VGLL2: variants seen among roughly 807,000 people sequenced by gnomAD.
VGLL2 encodes the protein transcription cofactor vestigial-like protein 2.
In VGLL2, 18 loss-of-function variants were observed where a neutral mutation model predicts 27.0. The ratio of observed to expected loss-of-function variants is 0.67; its 90% CI spans 0.46 to 0.99. The LOEUF (loss-of-function observed/expected upper bound fraction) is 0.99, where lower values mean the gene tolerates loss of function less well. VGLL2 is among the 50% of genes least tolerant of loss of function. The pLI, the probability that VGLL2 is intolerant of heterozygous loss-of-function variation, is 0.00. For synonymous variants in VGLL2, 220 were observed against 201.1 expected, an observed-to-expected ratio of 1.09 and a Z score of -0.80; for missense variants, 491 against 452.3, an observed-to-expected ratio of 1.09 and a Z score of -0.78.
intron 2 of VGLL2, 135 bp from the exon 3 acceptor site, chr6:117,270,408 C>A: frequency 8.6e-7 from 1 of 1,167,182 alleles, no homozygotes; most frequent in Non-Finnish European, 1.1e-6. Context: ...TCAGCCCCGG[C>A]CATGGCTAGC....
Position 117,272,606 on chromosome 6 carries a change from A to G in VGLL2, c.*112A>G. Reference sequence around the variant, plus strand: ...ACATGGGGGAAGGCAGAGACTTCAGACTTCTCAGTGTGTTGGGAAAACCAA... The same window carrying G: ...ACATGGGGGAAGGCAGAGACTTCAGGCTTCTCAGTGTGTTGGGAAAACCAA... On this transcript the variant is annotated 3_prime_UTR_variant, in exon 4 of 4. Coordinates refer to ENST00000326274, the MANE Select transcript of VGLL2 (RefSeq NM_182645.3). 1.3e-6 allele frequency: 2 copies of G among 1,505,100 alleles called. No individual in the cohort carries two copies. Among genetic ancestry groups the G allele is most frequent in the East Asian group, 4.6e-5 (2 of 43,518 alleles). The allele number at this position is 1,505,100 out of a possible 1,614,324, so 93.2% of individuals were successfully genotyped here.
chr6:117,265,776 G>A lies in VGLL2; in HGVS notation c.13G>A (p.Asp5Asn). Residue 5 changes from aspartate to asparagine, a missense_variant, in exon 1 of 4, where the codon GAT becomes AAT. Coordinates refer to ENST00000326274, the MANE Select transcript of VGLL2 (RefSeq NM_182645.3). ...GCTGCGGAGAGTCATGAGCTGTCTGGATGTTATGTACCAAGTCTATGGTCC... is the reference window on the plus strand; with the variant it reads ...GCTGCGGAGAGTCATGAGCTGTCTGAATGTTATGTACCAAGTCTATGGTCC... MSCL[D>N]VMYQVYGPPQ... is the part of the protein sequence containing the mutation. The A allele has an allele frequency of 1.2e-6, 2 of 1,614,116 alleles. No individual in the cohort carries two copies. Among genetic ancestry groups the A allele is most frequent in the Non-Finnish European group, 1.7e-6 (2 of 1,179,958 alleles).
At position 117,270,894 on chromosome 6, in the gene VGLL2, C is replaced by G; in HGVS notation, c.743C>G (p.Ser248Trp). The change falls in exon 3 of 4, where the codon TCG (serine) becomes TGG (tryptophan). Residue 248 changes from serine to tryptophan, a missense_variant. Transcript: ENST00000326274. ...RYGPLLMPAA[S>W]GRPARLATAP... ...GGGCCGCTGCTGATGCCAGCCGCCTCGGGGCGCCCGGCCCGCCTCGCAACC... is the reference window on the plus strand; with the variant it reads ...GGGCCGCTGCTGATGCCAGCCGCCTGGGGGCGCCCGGCCCGCCTCGCAACC... 7.8e-7 allele frequency: 1 copy of G among 1,278,040 alleles called. No individual in the cohort carries two copies. The highest frequency in any genetic ancestry group is 9.8e-7 in the Non-Finnish European group (1 of 1,015,862). 79.2% of individuals were successfully genotyped at this position (1,278,040 alleles called of 1,614,324 possible). A position where few individuals can be genotyped will look rare whatever the true frequency, so the allele number is the denominator to read the frequency against.
intron 3 of VGLL2, among the ~76,000 whole-genome samples, chr6:117,271,535 T>C (rs146975126): frequency 1.3e-5 from 2 of 152,204 alleles, no homozygotes; most frequent in East Asian, 1.9e-4. Flanking sequence ...TACTTTTACA[T>C]TGATTACATG....
At chr6:117,272,295 C>G (rs1582501252) in intron 3 of VGLL2, 159 bp from the exon 4 acceptor site, 2 of 985,014 alleles carry the variant, frequency 2.0e-6, no homozygotes, top group East Asian at 2.3e-4. Context: ...CTTTTATCTT[C>G]TCTCTATTTT....
chr6:117,265,946 C>T (rs923791485), intron 1 of VGLL2, 102 bp downstream of exon 1: 2 of 1,097,118 alleles, frequency 1.8e-6, no homozygotes, highest in Non-Finnish European at 1.4e-6. Context: ...GCGTCTCGGG[C>T]GTCCGACCAC....
At chr6:117,272,309 G>C in intron 3 of VGLL2, 145 bp from the exon 4 acceptor site, 2 of 1,482,394 alleles carry the variant, frequency 1.3e-6, no homozygotes, top group Non-Finnish European at 1.8e-6. Flanking sequence ...CTATTTTCAG[G>C]TTTGCAGCCT....
In VGLL2 at chr6:117,272,816, G is replaced by A; in HGVS notation, c.*322G>A. The A allele has an allele frequency of 2.4e-6, 1 of 416,202 alleles. No homozygotes were observed. Among genetic ancestry groups the A allele is most frequent in the Non-Finnish European group, 4.3e-6 (1 of 233,402 alleles). The allele number at this position is 416,202 out of a possible 1,614,324, so 25.8% of individuals were successfully genotyped here. On this transcript the variant is annotated 3_prime_UTR_variant, in exon 4 of 4. Transcript: ENST00000326274. ...GGGGGAAAGAAAATGAAACTTTTTG[G>A]TGTGAATATTTTTTATGCTGATGTG...
chr6:117,270,500 C>A (rs774100959), intron 2 of VGLL2, 43 bp from the exon 3 acceptor site: 2 of 1,535,694 alleles, frequency 1.3e-6, no homozygotes, highest in South Asian at 2.4e-5. Flanking sequence ...TGACACGCAC[C>A]TCTTTTCCTT....
rs1297859399 is a variant in VGLL2 at position 117,271,038 on chromosome 6, AGGGTCTG to A, written c.890_896del (p.Gly297AlafsTer18). On this transcript the variant is annotated frameshift_variant, in exon 3 of 4. Coordinates refer to ENST00000326274, the MANE Select transcript of VGLL2 (RefSeq NM_182645.3). ...GCGAGCCCCTCGGGGGACGTGGCCC[AGGGTCTG>A]GGCCTCAGCGTGGACTCAGGTAAGC... 1.1e-5 allele frequency: 13 copies of A among 1,231,134 alleles called. No individual in the cohort carries two copies. Among genetic ancestry groups the A allele is most frequent in the Non-Finnish European group, 1.3e-5 (13 of 989,418 alleles). The allele number at this position is 1,231,134 out of a possible 1,614,324, so 76.3% of individuals were successfully genotyped here.
At chr6:117,269,374 G>T (rs185704235) in intron 2 of VGLL2, among the ~76,000 whole-genome samples, 1 of 152,264 alleles carries the variant, frequency 6.6e-6, no homozygotes, top group Non-Finnish European at 1.5e-5. Context: ...GGGGGACTTT[G>T]TTGTAAAAAC....
chr6:117,270,791 C>T lies in VGLL2; in HGVS notation c.640C>T (p.Leu214Phe). The part of the protein sequence containing the change: ...PHHPYALGGA[L>F]GAQAAPYPRP... ...TCACCCCTACGCCCTGGGCGGCGCCCTCGGCGCCCAGGCCGCCCCCTACCC... is the reference window on the plus strand; with the variant it reads ...TCACCCCTACGCCCTGGGCGGCGCCTTCGGCGCCCAGGCCGCCCCCTACCC... The change falls in exon 3 of 4, where the codon CTC becomes TTC. Residue 214 changes from leucine to phenylalanine, a missense_variant. Physicochemically the swap from Leu to Phe is conservative, Grantham distance 22. Transcript: ENST00000326274. The T allele has an allele frequency of 6.9e-7, 1 of 1,445,592 alleles. No individual in the cohort carries two copies. The highest frequency in any genetic ancestry group is 2.4e-4 in the Middle Eastern group (1 of 4,100). The allele number at this position is 1,445,592 out of a possible 1,614,324, so 89.5% of individuals were successfully genotyped here. A position where few individuals can be genotyped will look rare whatever the true frequency, so the allele number is the denominator to read the frequency against.
At chr6:117,269,441 T>C (rs1395575309) in intron 2 of VGLL2, among the ~76,000 whole-genome samples, 4 of 152,164 alleles carry the variant, frequency 2.6e-5, no homozygotes, top group African/African-American at 9.7e-5. Context: ...CCCCCTTTTT[T>C]CCCCCTTAAG....
Position 117,270,886 on chromosome 6 carries a change from A to G in VGLL2, c.735A>G (p.Pro245=). 7.6e-7 allele frequency: 1 copy of G among 1,314,558 alleles called. No homozygotes were observed. Among genetic ancestry groups the G allele is most frequent in the South Asian group, 2.1e-5 (1 of 47,798 alleles). The allele number at this position is 1,314,558 out of a possible 1,614,324, so 81.4% of individuals were successfully genotyped here. ...CGCGCTATGGGCCGCTGCTGATGCC[A>G]GCCGCCTCGGGGCGCCCGGCCCGCC... The part of the protein sequence containing the change: ...FDPRYGPLLM[P]AASGRPARLA... Residue 245 remains proline, a synonymous_variant, in exon 3 of 4, where the codon CCA becomes CCG. Coordinates refer to ENST00000326274, the MANE Select transcript of VGLL2 (RefSeq NM_182645.3).
chr6:117,271,208 A>G, intron 3 of VGLL2, 144 bp downstream of exon 3: 1 of 735,098 alleles, frequency 1.4e-6, no homozygotes, highest in Non-Finnish European at 1.8e-6. Flanking sequence ...GTTTCCACTG[A>G]TACATGGCCC....
chr6:117,272,527 C>T lies in VGLL2; in HGVS notation c.*33C>T, dbSNP rs766926735. The T allele has an allele frequency of 3.1e-6, 5 of 1,613,960 alleles. No homozygotes were observed. In the East Asian group the frequency reaches 1.1e-4, roughly 36 times the overall value. On this transcript the variant is annotated 3_prime_UTR_variant, in exon 4 of 4. Transcript: ENST00000326274. ...ACCCAGGGTTTCCCCTTCCCCTTCCCTTCTGACCAGCCTTGGAGGCTCAGC... is the reference window on the plus strand; with the variant it reads ...ACCCAGGGTTTCCCCTTCCCCTTCCTTTCTGACCAGCCTTGGAGGCTCAGC...
chr6:117,270,805 C>G lies in VGLL2; in HGVS notation c.654C>G (p.Ala218=). ...YALGGALGAQ[A]APYPRPAAVH... is the part of the protein sequence containing the mutation. Reference sequence around the variant, plus strand: ...TGGGCGGCGCCCTCGGCGCCCAGGCCGCCCCCTACCCGCGCCCCGCCGCCG... The same window carrying G: ...TGGGCGGCGCCCTCGGCGCCCAGGCGGCCCCCTACCCGCGCCCCGCCGCCG... The change falls in exon 3 of 4, where the codon GCC becomes GCG. Residue 218 remains alanine, a synonymous_variant. Transcript: ENST00000326274. The G allele has an allele frequency of 4.2e-6, 6 of 1,436,810 alleles. No homozygotes were observed. Among genetic ancestry groups the G allele is most frequent in the Non-Finnish European group, 4.5e-6 (5 of 1,098,902 alleles). The allele number at this position is 1,436,810 out of a possible 1,614,324, so 89.0% of individuals were successfully genotyped here. A position where few individuals can be genotyped will look rare whatever the true frequency, so the allele number is the denominator to read the frequency against.
chr6:117,272,541 T>G lies in VGLL2; in HGVS notation c.*47T>G. ...CTTCCCCTTCCCTTCTGACCAGCCT[T>G]GGAGGCTCAGCATCTGTGCCTCTCA... On this transcript the variant is annotated 3_prime_UTR_variant, in exon 4 of 4. Transcript: ENST00000326274. The G allele has an allele frequency of 3.1e-6, 5 of 1,613,502 alleles. No homozygotes were observed. The highest frequency in any genetic ancestry group is 4.2e-6 in the Non-Finnish European group (5 of 1,179,758).
chr6:117,273,164 T>A lies in VGLL2; in HGVS notation c.*670T>A, dbSNP rs896675425. On this transcript the variant is annotated 3_prime_UTR_variant, in exon 4 of 4. Transcript: ENST00000326274. ...AACTGTTGAAAACTCCAGAAATACA[T>A]CACCCAAGGTGGCAGTTCTCAGTAT... is the stretch of plus-strand genomic sequence containing the variant. The A allele has an allele frequency of 2.0e-5, 3 of 152,712 alleles. No homozygotes were observed. Among genetic ancestry groups the A allele is most frequent in the African/African-American group, 7.2e-5 (3 of 41,424 alleles). 9.5% of individuals were successfully genotyped at this position (152,712 alleles called of 1,614,324 possible).
Sources: gnomAD v4.1 joint callset for allele counts (sites outside exome capture counted in the v4.1 genomes callset) on GRCh38, gnomAD v4.1.1 for gene constraint, MANE v1.5 for transcripts, NCBI Gene and HGNC (gene_info 2026-07-23, HGNC 2026-07-21) for gene names.